SLC44A1: variants seen among roughly 807,000 people sequenced by gnomAD.
The protein encoded by SLC44A1 is choline transporter-like protein 1.
SLC44A1 carries 26 observed loss-of-function variants against 79.3 expected under a neutral mutation model. The ratio of observed to expected loss-of-function variants is 0.33; its 90% CI spans 0.24 to 0.46. The LOEUF (loss-of-function observed/expected upper bound fraction) is 0.46. Among genes scored for constraint, SLC44A1 ranks in the 20% least tolerant of loss-of-function variants. SLC44A1 has a pLI of 1.00. For synonymous variants in SLC44A1, 263 were observed against 286.2 expected, an observed-to-expected ratio of 0.92 and a Z score of 0.82; for missense variants, 688 against 798.1, an observed-to-expected ratio of 0.86 and a Z score of 1.66.
intron 4 of SLC44A1, among the ~76,000 whole-genome samples, chr9:105,337,763 C>G (rs139084895): frequency 1.4e-3 from 211 of 152,252 alleles, no homozygotes; most frequent in African/African-American, 4.9e-3. Context: ...TAGAAGAGAA[C>G]TAGGTCCTTA....
intron 15 of SLC44A1, among the ~76,000 whole-genome samples, chr9:105,430,507 G>A (rs1182678008): frequency 6.6e-6 from 1 of 152,188 alleles, no homozygotes; most frequent in South Asian, 2.1e-4. Flanking sequence ...TTGGATTCAC[G>A]TGAAAGAAAT....
Position 105,385,470 on chromosome 9 carries a change from G to T in SLC44A1, c.1918G>T (p.Gly640Cys). 6.3e-7 allele frequency: 1 copy of T among 1,585,136 alleles called. No individual in the cohort carries two copies. The highest frequency in any genetic ancestry group is 8.6e-7 in the Non-Finnish European group (1 of 1,165,320). The part of the protein sequence containing the change: ...RKAMKEAGKG[G>C]VADSRELKPM... ...AGCAATGAAAGAAGCTGGTAAGGGA[G>T]GCGTCGCTGATTCCAGAGAGCTAAA... The change falls in exon 15 of 16, where the codon GGC becomes TGC. Residue 640 changes from glycine (G) to cysteine (C), a missense_variant. Gly to Cys is a radical substitution (Grantham distance 159). Transcript: ENST00000374720.
chr9:105,333,775 A>C (rs935293886), intron 3 of SLC44A1, among the ~76,000 whole-genome samples: 1 of 151,434 alleles, frequency 6.6e-6, no homozygotes, highest in South Asian at 2.1e-4. Context: ...ATGCCATTGC[A>C]CTCCAGCCTG....
chr9:105,351,634 GAAAGAAAGAAAGAAAGAA>G (rs1827441203), intron 5 of SLC44A1, among the ~76,000 whole-genome samples: 1 of 133,178 alleles, frequency 7.5e-6, no homozygotes, highest in African/African-American at 3.0e-5. Flanking sequence ...GAGAGAAAGA[GAAAGAAAGAAAGAAAGAA>G]AGAAAGAAAG....
intron 15 of SLC44A1, among the ~76,000 whole-genome samples, chr9:105,436,907 G>C (rs1417383305): frequency 3.9e-5 from 6 of 152,114 alleles, no homozygotes; most frequent in Non-Finnish European, 7.4e-5. Context: ...GCCTCTTGTG[G>C]AGACAGATGT....
intron 12 of SLC44A1, among the ~76,000 whole-genome samples, chr9:105,369,893 C>A (rs1828047431): frequency 6.6e-6 from 1 of 152,232 alleles, no homozygotes; most frequent in South Asian, 2.1e-4. Flanking sequence ...TATATCCCAT[C>A]ACACAAAAGT....
chr9:105,339,145 CAG>C (rs567688340), intron 4 of SLC44A1, among the ~76,000 whole-genome samples: 38 of 152,164 alleles, frequency 2.5e-4, no homozygotes, highest in Non-Finnish European at 4.1e-4. Context: ...CAAAAATCAA[CAG>C]AGTGAAAAGT....
At chr9:105,415,871 G>C (rs1829163238) in intron 15 of SLC44A1, among the ~76,000 whole-genome samples, 1 of 149,612 alleles carries the variant, frequency 6.7e-6, no homozygotes, top group Non-Finnish European at 1.5e-5. Context: ...TCAACTTTTG[G>C]ATATTCTCTG....
intron 1 of SLC44A1, among the ~76,000 whole-genome samples, chr9:105,266,807 T>A (rs772006991): frequency 5.9e-5 from 9 of 152,230 alleles, no homozygotes; most frequent in Non-Finnish European, 1.3e-4. Flanking sequence ...CCTTCCCCTA[T>A]ACATTTTAGA....
At chr9:105,274,019 C>T (rs1369167161) in intron 1 of SLC44A1, among the ~76,000 whole-genome samples, 1 of 151,958 alleles carries the variant, frequency 6.6e-6, no homozygotes, top group African/African-American at 2.4e-5. Flanking sequence ...TTTCATGGTA[C>T]TTAAAGACAG....
intron 4 of SLC44A1, among the ~76,000 whole-genome samples, chr9:105,347,066 A>T (rs955353577): frequency 1.3e-5 from 2 of 152,082 alleles, no homozygotes; most frequent in Non-Finnish European, 2.9e-5. Flanking sequence ...ATAGGACAAG[A>T]TATAAATGAA....
rs776010289 is a variant in SLC44A1, at chr9:105,348,448, C to G, written c.497C>G (p.Ala166Gly). 3.1e-6 allele frequency: 5 copies of G among 1,588,972 alleles called. No individual in the cohort carries two copies. Among genetic ancestry groups the G allele is most frequent in the Non-Finnish European group, 4.3e-6 (5 of 1,157,786 alleles). The change falls in exon 5 of 16, where the codon GCG becomes GGG. Residue 166 changes from alanine to glycine, a missense_variant. By Grantham distance (60) the Ala-to-Gly change is moderately conservative. Coordinates refer to ENST00000374720, the MANE Select transcript of SLC44A1 (RefSeq NM_080546.5). Reference sequence around the variant, plus strand: ...CTCTGCCCCAAACTACCAGTTCCAGCGAGGTAAATTTTATTGCAAAGTTGT... The same window carrying G: ...CTCTGCCCCAAACTACCAGTTCCAGGGAGGTAAATTTTATTGCAAAGTTGT... Reference protein sequence around the residue: ...SVLCPKLPVPASAPIPFFHRC... With the variant: ...SVLCPKLPVPGSAPIPFFHRC...
At chr9:105,428,594 T>C (rs1050094111) in intron 15 of SLC44A1, among the ~76,000 whole-genome samples, 4 of 152,238 alleles carry the variant, frequency 2.6e-5, no homozygotes, top group African/African-American at 9.6e-5. Flanking sequence ...AGGATTCCAT[T>C]ATCCTGAGTA....
At chr9:105,309,134 A>G (rs1025059837) in intron 2 of SLC44A1, among the ~76,000 whole-genome samples, 5 of 152,340 alleles carry the variant, frequency 3.3e-5, no homozygotes, top group African/African-American at 1.2e-4. Flanking sequence ...GCAGGAAGGA[A>G]ACAGAAGTAT....
chr9:105,425,620 C>T (rs1829312164), intron 15 of SLC44A1, among the ~76,000 whole-genome samples: 1 of 152,064 alleles, frequency 6.6e-6, no homozygotes, highest in South Asian at 2.1e-4. Context: ...GTCAGGAGTT[C>T]GAAACCAACC....
chr9:105,383,254 T>C lies in SLC44A1; in HGVS notation c.1764T>C (p.Ser588=). The C allele has an allele frequency of 6.2e-7, 1 of 1,613,924 alleles. No homozygotes were observed. Among genetic ancestry groups the C allele is most frequent in the Non-Finnish European group, 8.5e-7 (1 of 1,179,782 alleles). ...TCCTAGTCGCTCATTGCTTCCTGTC[T>C]ATTTATGAAATGGTAGTGGATGTAT... is the stretch of plus-strand genomic sequence containing the variant. The part of the protein sequence containing the change: ...FAFLVAHCFL[S]IYEMVVDVLF... Residue 588 remains serine (S), a synonymous_variant, in exon 14 of 16, where the codon TCT becomes TCC. Transcript: ENST00000374720.
At chr9:105,252,779 G>C (rs1314788003) in intron 1 of SLC44A1, among the ~76,000 whole-genome samples, 1 of 152,120 alleles carries the variant, frequency 6.6e-6, no homozygotes, top group African/African-American at 2.4e-5. Flanking sequence ...CTGTGAAGAT[G>C]GTTAAAGTTT....
intron 4 of SLC44A1, among the ~76,000 whole-genome samples, chr9:105,344,381 T>A (rs1827185933): frequency 2.0e-5 from 3 of 152,194 alleles, no homozygotes; most frequent in Admixed American, 2.0e-4. Context: ...TCTGGAGACA[T>A]TTTTGGCTGT....
intron 3 of SLC44A1, among the ~76,000 whole-genome samples, chr9:105,332,185 C>T (rs1202485517): frequency 6.8e-6 from 1 of 148,148 alleles, no homozygotes; most frequent in Non-Finnish European, 1.5e-5. Flanking sequence ...GGTGGTGCGA[C>T]CTCGGCTCAC....
Sources: allele counts gnomAD v4.1 joint callset (sites outside exome capture counted in the v4.1 genomes callset), GRCh38; gene constraint gnomAD v4.1.1; transcripts MANE v1.5; gene names NCBI Gene and HGNC (gene_info 2026-07-23, HGNC 2026-07-21).